PLA2R1: variants seen among roughly 807,000 people sequenced by gnomAD.
The protein encoded by PLA2R1 is secretory phospholipase A2 receptor.
PLA2R1 carries 158 observed loss-of-function variants against 195.9 expected under a neutral mutation model. The ratio of observed to expected loss-of-function variants is 0.81; its 90% CI spans 0.71 to 0.92. The LOEUF (loss-of-function observed/expected upper bound fraction) is 0.92. Ranked by LOEUF, PLA2R1 falls within the 40% of genes least tolerant of loss-of-function variation. PLA2R1 has a pLI of 0.00. For missense variants in PLA2R1, 1,626 were observed against 1,764.6 expected (o/e 0.92, Z 1.41); for synonymous variants, 586 against 598.2 (o/e 0.98, Z 0.30).
intron 13 of PLA2R1, among the ~76,000 whole-genome samples, chr2:159,983,053 G>C (rs1690069698): frequency 6.6e-6 from 1 of 152,102 alleles, no homozygotes; most frequent in African/African-American, 2.4e-5. Flanking sequence ...ACTCGGGGGT[G>C]GGGGGCTCAC....
In PLA2R1 at chr2:159,951,484, A is replaced by G; in HGVS notation, c.3396T>C (p.Asn1132=). 3 of 1,610,062 alleles carry G rather than the reference A, an allele frequency of 1.9e-6. No individual in the cohort carries two copies. The highest frequency in any genetic ancestry group is 1.7e-6 in the Non-Finnish European group (2 of 1,176,234). Residue 1132 remains asparagine (N), a synonymous_variant, in exon 24 of 30, where the codon AAT becomes AAC. Transcript: ENST00000283243. The stretch of plus-strand genomic sequence containing the variant: ...TTTTTATTGCTGCATACCAAGTCAT[A>G]TTTGCATTAATTATTTTGTAAGTTC... ...GNRTYKIINA[N]MTWYAAIKTC... is the part of the protein sequence containing the mutation.
At chr2:159,924,549 A>G in the PLA2R1 span, among the ~76,000 whole-genome samples, 1 of 152,178 alleles carries the variant, frequency 6.6e-6, no homozygotes, top group Non-Finnish European at 1.5e-5. Context: ...GTCAAATATC[A>G]AGTACGATAG....
intron 25 of PLA2R1, 22 bp downstream of exon 25, chr2:159,949,586 A>T (rs770262852): frequency 1.3e-6 from 2 of 1,578,236 alleles, no homozygotes; most frequent in African/African-American, 2.7e-5. Flanking sequence ...TATATTTTTG[A>T]GTTGAATAGA....
chr2:160,062,313 G>T lies in PLA2R1; in HGVS notation c.91C>A (p.Arg31=). 2.0e-6 allele frequency: 3 copies of T among 1,508,084 alleles called. No homozygotes were observed. The highest frequency in any genetic ancestry group is 2.7e-6 in the Non-Finnish European group (3 of 1,129,384). 93.4% of individuals were successfully genotyped at this position (1,508,084 alleles called of 1,614,324 possible). A position where few individuals can be genotyped will look rare whatever the true frequency, so the allele number is the denominator to read the frequency against. Residue 31 remains arginine, a synonymous_variant, in exon 1 of 30, where the codon CGG becomes AGG. Coordinates refer to ENST00000283243, the MANE Select transcript of PLA2R1 (RefSeq NM_007366.5). ...EGVAAALTPE[R]LLEWQDKGIF... ...GACTCACCCTGCCACTCCAGGAGCC[G>T]CTCGGGGGTAAGCGCCGCCGCCACA... is the stretch of plus-strand genomic sequence containing the variant.
chr2:160,026,695 C>T (rs1176837935), intron 6 of PLA2R1, among the ~76,000 whole-genome samples: 1 of 152,170 alleles, frequency 6.6e-6, no homozygotes, highest in African/African-American at 2.4e-5. Context: ...GATTTCACTG[C>T]TATTTGGGAA....
chr2:160,032,840 T>A (rs1256964114), intron 4 of PLA2R1, 119 bp downstream of exon 4: 5 of 858,398 alleles, frequency 5.8e-6, no homozygotes, highest in Non-Finnish European at 9.0e-6. Flanking sequence ...TGGGCCATAT[T>A]ATGGAAAGAA....
chr2:159,930,920 C>A (rs1270222709), downstream of PLA2R1, among the ~76,000 whole-genome samples: 1 of 152,234 alleles, frequency 6.6e-6, no homozygotes, highest in Non-Finnish European at 1.5e-5. Context: ...AAGTTCCAAT[C>A]TGACAGGTGG....
intron 11 of PLA2R1, among the ~76,000 whole-genome samples, chr2:159,991,779 C>T (rs376987025): frequency 0.022 from 2,848 of 130,220 alleles, 40 homozygotes; most frequent in East Asian, 0.046. Context: ...CATGTCCCTA[C>T]AAAGGACATG....
At position 159,995,502 on chromosome 2, in the gene PLA2R1, A is replaced by G. The variant is rs181596976; in HGVS notation, c.1835-8144T>C. On this transcript the variant is annotated intron_variant, in intron 11 of 29. Transcript: ENST00000283243. ...CATTCCTAACAAAATTCCAAAGTAT[A>G]TAGAAATGATACCTAAACTTTTATT... Among the ~76,000 whole-genome samples the G allele has an allele frequency of 2.5e-3, 377 of 152,222 alleles. 1 individual carries two copies. The highest frequency in any genetic ancestry group is 4.8e-3 in the Non-Finnish European group (328 of 67,994).
At chr2:160,053,781 G>A (rs1017937249) in intron 1 of PLA2R1, among the ~76,000 whole-genome samples, 1 of 152,230 alleles carries the variant, frequency 6.6e-6, no homozygotes, top group African/African-American at 2.4e-5. Context: ...AACCCGTCCC[G>A]GGAGGTAGAC....
intron 1 of PLA2R1, among the ~76,000 whole-genome samples, chr2:160,058,304 T>G (rs1695709271): frequency 1.3e-5 from 2 of 152,244 alleles, no homozygotes; most frequent in South Asian, 4.1e-4. Context: ...CTGTTTCACT[T>G]TCTTCTCCCC....
chr2:159,963,015 C>T (rs1688557119), intron 20 of PLA2R1, among the ~76,000 whole-genome samples: 1 of 152,024 alleles, frequency 6.6e-6, no homozygotes, highest in Non-Finnish European at 1.5e-5. Flanking sequence ...ACATGTACCC[C>T]AGAACTTAAA....
chr2:160,050,021 A>G (rs915884041), intron 1 of PLA2R1, among the ~76,000 whole-genome samples: 9 of 152,162 alleles, frequency 5.9e-5, no homozygotes, highest in Admixed American at 1.3e-4. Context: ...TAATACCTAG[A>G]TGATGGGATG....
chr2:160,046,790 C>G lies in PLA2R1; in HGVS notation c.110-1633G>C, dbSNP rs12613553. ...CATTTAGATCAGGAAATTTGTTTTC[C>G]TAATGAGGGCCTTGTCTGCATGGTT... On this transcript the variant is annotated intron_variant, in intron 1 of 29. Coordinates refer to ENST00000283243, the MANE Select transcript of PLA2R1 (RefSeq NM_007366.5). Among the ~76,000 whole-genome samples the G allele has an allele frequency of 8.4e-3, 1,280 of 152,090 alleles. 24 individuals are homozygous for G. Among genetic ancestry groups the G allele is most frequent in the African/African-American group, 0.029 (1,221 of 41,466 alleles).
rs56365741 is a variant in PLA2R1 at position 160,025,588 on chromosome 2, C to CAAAAAAAAA, written c.1099+2621_1099+2629dup. ...TGTAAGCCACATGGTAACCATAAAG[C>CAAAAAAAAA]AAAAAAAAAAAAAAAAAAAAAACTA... On this transcript the variant is annotated intron_variant, in intron 6 of 29. Coordinates refer to ENST00000283243, the MANE Select transcript of PLA2R1 (RefSeq NM_007366.5). 8.8e-3 allele frequency among the ~76,000 whole-genome samples: 466 copies of CAAAAAAAAA among 52,838 alleles called. 3 individuals carry two copies. Among genetic ancestry groups the CAAAAAAAAA allele is most frequent in the African/African-American group, 0.011 (122 of 11,410 alleles). The allele number at this position is 52,838 out of a possible 152,430, so 34.7% of individuals were successfully genotyped here.
rs991727637 is a variant in PLA2R1, at chr2:160,013,551, C to T, written c.1552-176G>A. Among the ~76,000 whole-genome samples the T allele has an allele frequency of 3.3e-5, 5 of 152,112 alleles. No individual in the cohort carries two copies. In the East Asian group the frequency reaches 9.6e-4, roughly 29 times the overall value. On this transcript the variant is annotated intron_variant, in intron 9 of 29. Transcript: ENST00000283243. ...TTCTATCCAGTAATGCCATTAACTA[C>T]ACCCACTTCTACATTTATTTAATTT...
At chr2:160,056,027 T>C (rs1262575903) in intron 1 of PLA2R1, among the ~76,000 whole-genome samples, 2 of 152,134 alleles carry the variant, frequency 1.3e-5, no homozygotes, top group Non-Finnish European at 2.9e-5. Context: ...ACCATGGCTT[T>C]GATACCAGCA....
chr2:160,016,842 G>C (rs1289715575), intron 8 of PLA2R1, 130 bp from the exon 9 acceptor site: 2 of 606,282 alleles, frequency 3.3e-6, no homozygotes, highest in Non-Finnish European at 5.9e-6. Context: ...GCGGCACTCT[G>C]CTTTGTCACG....
intron 3 of PLA2R1, among the ~76,000 whole-genome samples, chr2:160,035,190 CT>C (rs1694098626): frequency 2.0e-5 from 3 of 152,190 alleles, no homozygotes; most frequent in South Asian, 4.1e-4. Flanking sequence ...AGAATTTGTA[CT>C]TCTGTACTGG....
Sources: allele counts gnomAD v4.1 joint callset (sites outside exome capture counted in the v4.1 genomes callset), GRCh38; gene constraint gnomAD v4.1.1; transcripts MANE v1.5; gene names NCBI Gene and HGNC (gene_info 2026-07-23, HGNC 2026-07-21).